MLIP: variants seen among roughly 807,000 people sequenced by gnomAD.
MLIP encodes the protein muscular LMNA interacting protein.
Under a neutral mutation model 84.8 loss-of-function variants are expected in MLIP, and 79 were observed. The observed-to-expected ratio is 0.93, with a 90% confidence interval of 0.78 to 1.12. MLIP has a LOEUF of 1.12. Among genes scored for constraint, MLIP ranks in the 50% most tolerant of loss-of-function variants. The probability of loss-of-function intolerance (pLI) is 0.00; values close to 1 mark genes in which losing one functional copy is unlikely to be tolerated. For missense variants in MLIP, 1,257 were observed against 1,160.6 expected, an observed-to-expected ratio of 1.08 and a Z score of -1.21; for synonymous variants, 504 against 463.0, an observed-to-expected ratio of 1.09 and a Z score of -1.14.
At chr6:54,166,690 A>G (rs1453024311) in intron 8 of MLIP, among the ~76,000 whole-genome samples, 6 of 151,832 alleles carry the variant, frequency 4.0e-5, no homozygotes, top group Non-Finnish European at 5.9e-5. Context: ...ATTCCTCTCT[A>G]TATTCATTCC....
At chr6:54,190,363 C>T (rs1000993869) in intron 10 of MLIP, among the ~76,000 whole-genome samples, 1 of 152,062 alleles carries the variant, frequency 6.6e-6, no homozygotes, top group Non-Finnish European at 1.5e-5. Flanking sequence ...ACAAACACAA[C>T]GTGAATGACA....
At chr6:54,048,405 C>T (rs1306464898) in intron 1 of MLIP, among the ~76,000 whole-genome samples, 2 of 151,958 alleles carry the variant, frequency 1.3e-5, no homozygotes, top group East Asian at 1.9e-4. Flanking sequence ...GGAGAATGTG[C>T]ATTTTGAGAG....
At chr6:54,132,657 C>A (rs781657036) in intron 3 of MLIP, among the ~76,000 whole-genome samples, 29 of 152,066 alleles carry the variant, frequency 1.9e-4, no homozygotes, top group Non-Finnish European at 3.5e-4. Context: ...GTCCAAACAA[C>A]AACAACAAAA....
At chr6:54,115,500 C>T (rs986668819) in intron 1 of MLIP, among the ~76,000 whole-genome samples, 8 of 151,972 alleles carry the variant, frequency 5.3e-5, no homozygotes, top group East Asian at 1.9e-4. Flanking sequence ...AAACAAATTA[C>T]GGAAGGTTTG....
At chr6:54,111,186 G>T (rs2150406979), upstream of MLIP, among the ~76,000 whole-genome samples, 1 of 152,254 alleles carries the variant, frequency 6.6e-6, no homozygotes. Flanking sequence ...TGCATGAAAA[G>T]AAAAGAGGGA....
At chr6:54,190,005 C>G in intron 10 of MLIP, 91 bp downstream of exon 10, 1 of 851,370 alleles carries the variant, frequency 1.2e-6, no homozygotes, top group Non-Finnish European at 1.9e-6. Flanking sequence ...AATACATTTA[C>G]TATATATATT....
At chr6:54,231,004 A>G (rs947675780) in intron 12 of MLIP, 87 bp downstream of exon 12, 2 of 1,064,670 alleles carry the variant, frequency 1.9e-6, no homozygotes, top group Non-Finnish European at 2.8e-6. Context: ...TGGAGGAAAC[A>G]TGTGTTAGGA....
At chr6:54,147,359 A>G (rs921134794) in intron 4 of MLIP, among the ~76,000 whole-genome samples, 1 of 152,190 alleles carries the variant, frequency 6.6e-6, no homozygotes, top group Non-Finnish European at 1.5e-5. Context: ...GTAGTAATAA[A>G]TGTCAGCTCC....
At chr6:54,139,368 G>A (rs1297428642) in intron 4 of MLIP, among the ~76,000 whole-genome samples, 2 of 152,114 alleles carry the variant, frequency 1.3e-5, no homozygotes, top group African/African-American at 4.8e-5. Context: ...GTTAGTAAGG[G>A]AAGTTATAAA....
intron 1 of MLIP, among the ~76,000 whole-genome samples, chr6:54,061,299 CAG>C (rs1372453064): frequency 1.1e-4 from 17 of 152,182 alleles, no homozygotes; most frequent in African/African-American, 3.9e-4. Flanking sequence ...GGACGAGGAC[CAG>C]ATCAGCAGTA....
chr6:54,194,980 A>G (rs920381958), intron 10 of MLIP, among the ~76,000 whole-genome samples: 3 of 152,038 alleles, frequency 2.0e-5, no homozygotes, highest in Non-Finnish European at 2.9e-5. Flanking sequence ...TAAAACAAGA[A>G]TTAGGGTCTA....
At chr6:54,262,237 G>A (rs1783433581) in intron 13 of MLIP, among the ~76,000 whole-genome samples, 1 of 151,892 alleles carries the variant, frequency 6.6e-6, no homozygotes, top group Admixed American at 6.6e-5. Context: ...CCTTCACTAG[G>A]GTAGTAGAGA....
At chr6:54,169,010 A>G (rs921411942) in intron 8 of MLIP, among the ~76,000 whole-genome samples, 8 of 151,750 alleles carry the variant, frequency 5.3e-5, no homozygotes, top group African/African-American at 1.9e-4. Flanking sequence ...TGGAAGTCCC[A>G]ATGATGTGGA....
chr6:54,107,617 A>G (rs1375688007), upstream of MLIP, among the ~76,000 whole-genome samples: 3 of 152,190 alleles, frequency 2.0e-5, no homozygotes, highest in African/African-American at 7.2e-5. Context: ...AATCTCCCCG[A>G]AAACAACCTG....
At chr6:54,019,236 G>A in intron 1 of MLIP, 1 of 766,678 alleles carries the variant, frequency 1.3e-6, no homozygotes, top group Non-Finnish European at 2.2e-6. Context: ...TGAGTTCCAT[G>A]GGCTTTCCTG....
chr6:54,062,989 G>A (rs1266007512), intron 1 of MLIP, among the ~76,000 whole-genome samples: 1 of 152,030 alleles, frequency 6.6e-6, no homozygotes, highest in Non-Finnish European at 1.5e-5. Flanking sequence ...GATTACTTGA[G>A]GTCGCAGTTC....
At chr6:54,031,865 A>T (rs541101634) in intron 1 of MLIP, among the ~76,000 whole-genome samples, 2 of 152,298 alleles carry the variant, frequency 1.3e-5, no homozygotes, top group South Asian at 4.2e-4. Context: ...CAAAGCACTA[A>T]ATGCTGGCAT....
chr6:54,135,718 A>G lies in MLIP; in HGVS notation c.646-997A>G, dbSNP rs376335860. 1.4e-3 allele frequency among the ~76,000 whole-genome samples: 218 copies of G among 152,176 alleles called. 4 individuals carry two copies. In the South Asian group the frequency reaches 0.041, roughly 29 times the overall value. On this transcript the variant is annotated intron_variant, in intron 3 of 13. Transcript: ENST00000502396. ...TGCATGTTTATTATTTCTTTTATAT[A>G]TTGACATAATCAAATCAATGACTTT...
chr6:54,141,495 C>T (rs769050345), intron 4 of MLIP, among the ~76,000 whole-genome samples: 21 of 151,870 alleles, frequency 1.4e-4, no homozygotes, highest in African/African-American at 2.7e-4. Flanking sequence ...TTAGTAGAGA[C>T]GGGGTTTCAC....
Sources: allele counts gnomAD v4.1 joint callset (sites outside exome capture counted in the v4.1 genomes callset), GRCh38; gene constraint gnomAD v4.1.1; transcripts MANE v1.5; gene names NCBI Gene and HGNC (gene_info 2026-07-23, HGNC 2026-07-21).